EIF4EBP2: variants seen among roughly 807,000 people sequenced by gnomAD.
The protein encoded by EIF4EBP2 is eukaryotic translation initiation factor 4E binding protein 2, also known as eukaryotic translation initiation factor 4E-binding protein 2.
A neutral mutation model predicts 10.3 loss-of-function variants in EIF4EBP2; 5 were observed. The ratio of observed to expected loss-of-function variants is 0.48; its 90% CI spans 0.25 to 1.02. EIF4EBP2 has a LOEUF of 1.02. Among genes scored for constraint, EIF4EBP2 ranks in the 50% least tolerant of loss-of-function variants. EIF4EBP2 has a pLI of 0.15. For synonymous variants in EIF4EBP2, 67 were observed against 61.1 expected (o/e 1.10, Z -0.45); for missense variants, 188 against 162.2 (o/e 1.16, Z -0.86).
intron 1 of EIF4EBP2, among the ~76,000 whole-genome samples, chr10:70,411,296 A>G (rs1845041375): frequency 6.6e-6 from 1 of 152,180 alleles, no homozygotes; most frequent in African/African-American, 2.4e-5. Context: ...TGACTACTCT[A>G]GGAATCTCAG....
At chr10:70,417,912 TTTGC>T (rs780029854) in intron 1 of EIF4EBP2, among the ~76,000 whole-genome samples, 5 of 152,198 alleles carry the variant, frequency 3.3e-5, no homozygotes, top group Non-Finnish European at 7.3e-5. Flanking sequence ...TTTCAGCCTA[TTTGC>T]CCTTATTTTA....
chr10:70,425,378 A>C lies in EIF4EBP2; in HGVS notation c.*3631A>C, dbSNP rs1276801122. 2.0e-5 allele frequency: 3 copies of C among 152,242 alleles called. No homozygotes were observed. The highest frequency in any genetic ancestry group is 7.2e-5 in the African/African-American group (3 of 41,458). 9.4% of individuals were successfully genotyped at this position (152,242 alleles called of 1,614,324 possible). ...GGAGAGAGGAATTACACATACCTCT[A>C]CCCCAATGGAGCAGTAGCAAAGAAT... On this transcript the variant is annotated 3_prime_UTR_variant, in exon 3 of 3. Transcript: ENST00000373218.
chr10:70,408,201 G>A (rs1845003609), intron 1 of EIF4EBP2, among the ~76,000 whole-genome samples: 2 of 143,494 alleles, frequency 1.4e-5, no homozygotes, highest in South Asian at 2.3e-4. Context: ...CTGGCCGGGC[G>A]GGGGGCTGAC....
At chr10:70,410,200 G>C (rs972369263) in intron 1 of EIF4EBP2, among the ~76,000 whole-genome samples, 2 of 152,058 alleles carry the variant, frequency 1.3e-5, no homozygotes, top group Non-Finnish European at 2.9e-5. Flanking sequence ...CTCCTGAGTA[G>C]CTGGGATTAC....
Position 70,428,014 on chromosome 10 carries a change from T to C in EIF4EBP2, c.*6267T>C, listed in dbSNP as rs554631358. 7 of 149,664 alleles carry C rather than the reference T, an allele frequency of 4.7e-5. No homozygotes were observed. The South Asian group carries it at 6.4e-4, about 14-fold the overall frequency. 9.3% of individuals were successfully genotyped at this position (149,664 alleles called of 1,614,324 possible). Reference sequence around the variant, plus strand: ...GCCAAGGGTACTTTTAACTGGAAACTGGGGAGGAGGGAAGAACACTAGCAG... The same window carrying C: ...GCCAAGGGTACTTTTAACTGGAAACCGGGGAGGAGGGAAGAACACTAGCAG... On this transcript the variant is annotated 3_prime_UTR_variant, in exon 3 of 3. Transcript: ENST00000373218.
chr10:70,405,158 A>G (rs917719634), intron 1 of EIF4EBP2, among the ~76,000 whole-genome samples: 7 of 152,228 alleles, frequency 4.6e-5, no homozygotes, highest in Admixed American at 4.6e-4. Context: ...GTGATAAAAT[A>G]AAGCTCAAGT....
In EIF4EBP2 at chr10:70,422,162, G is replaced by A; in HGVS notation, c.*415G>A. The A allele has an allele frequency of 5.7e-6, 1 of 176,576 alleles. No individual in the cohort carries two copies. The highest frequency in any genetic ancestry group is 1.2e-5 in the Non-Finnish European group (1 of 82,896). The allele number at this position is 176,576 out of a possible 1,614,324, so 10.9% of individuals were successfully genotyped here. On this transcript the variant is annotated 3_prime_UTR_variant, in exon 3 of 3. Transcript: ENST00000373218. The stretch of plus-strand genomic sequence containing the variant: ...GGGGAAGGGATACAGAGCTTGGTGG[G>A]CCTAACACCATTCATATTCCTTACC...
Position 70,428,171 on chromosome 10 carries a change from G to GGA in EIF4EBP2, c.*6427_*6428dup, listed in dbSNP as rs1348737330. The GGA allele has an allele frequency of 1.3e-5, 2 of 151,936 alleles. No homozygotes were observed. The highest frequency in any genetic ancestry group is 4.8e-5 in the African/African-American group (2 of 41,322). The allele number at this position is 151,936 out of a possible 1,614,324, so 9.4% of individuals were successfully genotyped here. ...AGCCCATCTCTTTCCACCTGGGTGA[G>GGA]GAGACCCTCTGCTACTCCAGGGGTA... On this transcript the variant is annotated 3_prime_UTR_variant, in exon 3 of 3. Coordinates refer to ENST00000373218, the MANE Select transcript of EIF4EBP2 (RefSeq NM_004096.5).
intron 1 of EIF4EBP2, 65 bp from the exon 2 acceptor site, chr10:70,419,849 T>A: frequency 8.8e-7 from 1 of 1,133,522 alleles, no homozygotes; most frequent in Non-Finnish European, 1.2e-6. Context: ...ATTAAATTCC[T>A]GGGTGGTATT....
At chr10:70,409,455 AT>A (rs1769830093) in intron 1 of EIF4EBP2, among the ~76,000 whole-genome samples, 1 of 152,192 alleles carries the variant, frequency 6.6e-6, no homozygotes, top group Non-Finnish European at 1.5e-5. Context: ...TAATGCTTTC[AT>A]TTTATTATTG....
In EIF4EBP2 at chr10:70,427,207, A is replaced by G. The variant is rs966832642; in HGVS notation, c.*5460A>G. The G allele has an allele frequency of 6.6e-6, 1 of 152,072 alleles. No homozygotes were observed. Among genetic ancestry groups the G allele is most frequent in the Non-Finnish European group, 1.5e-5 (1 of 68,008 alleles). 9.4% of individuals were successfully genotyped at this position (152,072 alleles called of 1,614,324 possible). A position where few individuals can be genotyped will look rare whatever the true frequency, so the allele number is the denominator to read the frequency against. ...ATCTGCAAAACCTAGTCACTTACCTACCCATAATATCTGGGAAGGTGTGGT... is the reference window on the plus strand; with the variant it reads ...ATCTGCAAAACCTAGTCACTTACCTGCCCATAATATCTGGGAAGGTGTGGT... On this transcript the variant is annotated 3_prime_UTR_variant, in exon 3 of 3. Coordinates refer to ENST00000373218, the MANE Select transcript of EIF4EBP2 (RefSeq NM_004096.5).
At chr10:70,410,043 T>C (rs1055888677) in intron 1 of EIF4EBP2, among the ~76,000 whole-genome samples, 9 of 150,806 alleles carry the variant, frequency 6.0e-5, no homozygotes, top group Non-Finnish European at 1.3e-4. Context: ...AAATAAAGAG[T>C]ATTGGGGGTG....
At chr10:70,413,028 T>C (rs1845060738) in intron 1 of EIF4EBP2, among the ~76,000 whole-genome samples, 1 of 152,226 alleles carries the variant, frequency 6.6e-6, no homozygotes, top group Non-Finnish European at 1.5e-5. Context: ...CCATTGTTGC[T>C]GTAAATAATA....
intron 1 of EIF4EBP2, among the ~76,000 whole-genome samples, chr10:70,405,608 C>G (rs1220959230): frequency 6.6e-6 from 1 of 152,218 alleles, no homozygotes; most frequent in Non-Finnish European, 1.5e-5. Flanking sequence ...GACTTCGCAG[C>G]TCCTGCGGTC....
intron 1 of EIF4EBP2, among the ~76,000 whole-genome samples, chr10:70,408,834 C>G (rs1473939522): frequency 6.6e-6 from 1 of 152,142 alleles, no homozygotes; most frequent in African/African-American, 2.4e-5. Context: ...AGAGTAGAGT[C>G]AAGTGCTAAC....
At chr10:70,415,149 C>A (rs1347522617) in intron 1 of EIF4EBP2, among the ~76,000 whole-genome samples, 2 of 149,300 alleles carry the variant, frequency 1.3e-5, no homozygotes, top group Admixed American at 6.7e-5. Flanking sequence ...CAGAGCAAGA[C>A]CCTCTCTCGA....
chr10:70,407,868 C>A (rs1372763092), intron 1 of EIF4EBP2, among the ~76,000 whole-genome samples: 4 of 133,008 alleles, frequency 3.0e-5, no homozygotes, highest in South Asian at 5.2e-4. Flanking sequence ...TGACCCCCCA[C>A]CTCCCTCCCG....
intron 1 of EIF4EBP2, among the ~76,000 whole-genome samples, chr10:70,419,139 C>T (rs1406782494): frequency 1.3e-5 from 2 of 152,202 alleles, no homozygotes; most frequent in Non-Finnish European, 2.9e-5. Flanking sequence ...TTGATAATAG[C>T]CATCCTAAGA....
intron 1 of EIF4EBP2, among the ~76,000 whole-genome samples, chr10:70,417,555 C>T (rs1845110724): frequency 6.6e-6 from 1 of 152,216 alleles, no homozygotes; most frequent in African/African-American, 2.4e-5. Flanking sequence ...CATAGAGGTT[C>T]TTCAGAGTTT....
Sources: gnomAD v4.1 joint callset for allele counts (sites outside exome capture counted in the v4.1 genomes callset) on GRCh38, gnomAD v4.1.1 for gene constraint, MANE v1.5 for transcripts, NCBI Gene and HGNC (gene_info 2026-07-23, HGNC 2026-07-21) for gene names.